The following PHIP variants were observed in gnomAD, a reference collection of about 807,000 sequenced individuals.
The protein encoded by PHIP is PH-interacting protein.
PHIP carries 54 observed loss-of-function variants against 236.8 expected under a neutral mutation model. That is an observed-to-expected ratio of 0.23 (90% CI 0.18 to 0.29). The LOEUF (loss-of-function observed/expected upper bound fraction) is 0.29. Ranked by LOEUF, PHIP falls within the 10% of genes least tolerant of loss-of-function variation. The probability of loss-of-function intolerance (pLI) is 1.00; values close to 1 mark genes in which losing one functional copy is unlikely to be tolerated. For missense variants in PHIP, 1,370 were observed against 2,190.8 expected (o/e 0.63, Z 7.48); for synonymous variants, 756 against 718.9 (o/e 1.05, Z -0.83).
chr6:79,036,921 CAAAA>C (rs34875528), intron 7 of PHIP, among the ~76,000 whole-genome samples: 403 of 38,892 alleles, frequency 0.01, no homozygotes, highest in African/African-American at 0.039. Context: ...GACTCCGTCT[CAAAA>C]AAAAAAAAAA....
In PHIP at chr6:78,938,864, T is replaced by A. The variant is rs1773367713; in HGVS notation, c.*1829A>T. The A allele has an allele frequency of 6.6e-6, 1 of 151,778 alleles. No individual in the cohort carries two copies. Among genetic ancestry groups the A allele is most frequent in the Non-Finnish European group, 1.5e-5 (1 of 67,614 alleles). The allele number at this position is 151,778 out of a possible 1,614,324, so 9.4% of individuals were successfully genotyped here. Reference sequence around the variant, plus strand: ...AAGCCCAAATGTATCACTTTTTCATTCTTCACGACAGTTAAATGACAGCTA... The same window carrying A: ...AAGCCCAAATGTATCACTTTTTCATACTTCACGACAGTTAAATGACAGCTA... On this transcript the variant is annotated 3_prime_UTR_variant, in exon 40 of 40. Coordinates refer to ENST00000275034, the MANE Select transcript of PHIP (RefSeq NM_017934.7).
At chr6:78,992,512 G>A (rs1385808813) in intron 19 of PHIP, among the ~76,000 whole-genome samples, 2 of 151,290 alleles carry the variant, frequency 1.3e-5, no homozygotes, top group African/African-American at 4.9e-5. Flanking sequence ...GCAAGTTTGT[G>A]GAACCCTGCA....
At chr6:79,075,714 C>T (rs1308843210) in intron 4 of PHIP, among the ~76,000 whole-genome samples, 1 of 151,692 alleles carries the variant, frequency 6.6e-6, no homozygotes, top group Non-Finnish European at 1.5e-5. Flanking sequence ...CATTAAGCTG[C>T]TTCATTTAAA....
chr6:78,957,404 G>A (rs1014546500), intron 32 of PHIP: 1 of 151,786 alleles, frequency 6.6e-6, no homozygotes, highest in Non-Finnish European at 1.5e-5. Context: ...CAAACCATTG[G>A]AAAGCAATAG....
chr6:79,005,849 A>T (rs1170766745), intron 15 of PHIP, among the ~76,000 whole-genome samples: 1 of 151,978 alleles, frequency 6.6e-6, no homozygotes, highest in Non-Finnish European at 1.5e-5. Flanking sequence ...GGACTGATCA[A>T]CCCTTGACCC....
At chr6:79,063,178 G>T (rs1341765330) in intron 4 of PHIP, among the ~76,000 whole-genome samples, 1 of 152,082 alleles carries the variant, frequency 6.6e-6, no homozygotes, top group Non-Finnish European at 1.5e-5. Context: ...TCTGTGTCCT[G>T]CATAAGGAGA....
chr6:78,960,826 CA>C (rs1766724641), intron 31 of PHIP, among the ~76,000 whole-genome samples: 1 of 151,652 alleles, frequency 6.6e-6, no homozygotes, highest in South Asian at 2.1e-4. Context: ...AAATTTAAGT[CA>C]TAAAAAGAAC....
chr6:79,015,932 G>A, intron 13 of PHIP, 149 bp from the exon 14 acceptor site: 2 of 581,578 alleles, frequency 3.4e-6, no homozygotes, highest in Admixed American at 3.4e-5. Flanking sequence ...ATGGAATGAT[G>A]GTAAAAATCC....
At chr6:79,012,944 C>T (rs1332076101) in intron 15 of PHIP, among the ~76,000 whole-genome samples, 1 of 151,626 alleles carries the variant, frequency 6.6e-6, no homozygotes, top group Non-Finnish European at 1.5e-5. Context: ...ATTATGAAAA[C>T]ATTTCTTCAT....
intron 27 of PHIP, among the ~76,000 whole-genome samples, 197 bp from the exon 28 acceptor site, chr6:78,966,253 T>A (rs1767121409): frequency 6.6e-6 from 1 of 152,234 alleles, no homozygotes; most frequent in Non-Finnish European, 1.5e-5. Context: ...ATACTTGAAG[T>A]GTGACTTAAC....
At chr6:78,985,840 A>G (rs1768835052) in intron 21 of PHIP, among the ~76,000 whole-genome samples, 2 of 152,132 alleles carry the variant, frequency 1.3e-5, no homozygotes, top group Admixed American at 1.3e-4. Flanking sequence ...AATAATAATA[A>G]AATAATAAAA....
intron 15 of PHIP, among the ~76,000 whole-genome samples, chr6:79,014,525 T>C: frequency 6.6e-6 from 1 of 151,744 alleles, no homozygotes. Flanking sequence ...GCTCGGTAAG[T>C]TGTATGTGAT....
chr6:79,045,545 T>A (rs1356857047), intron 6 of PHIP, among the ~76,000 whole-genome samples: 1 of 152,052 alleles, frequency 6.6e-6, no homozygotes, highest in Non-Finnish European at 1.5e-5. Flanking sequence ...TATAAGTAAA[T>A]CTTCCTTAAT....
chr6:78,965,823 T>A, intron 28 of PHIP, 59 bp from the exon 29 acceptor site: 2 of 1,183,836 alleles, frequency 1.7e-6, no homozygotes, highest in South Asian at 2.7e-5. Flanking sequence ...ACAATTTTAA[T>A]AAAATCAATT....
intron 7 of PHIP, among the ~76,000 whole-genome samples, chr6:79,027,395 G>A (rs1378225003): frequency 6.6e-6 from 1 of 152,128 alleles, no homozygotes; most frequent in East Asian, 1.9e-4. Flanking sequence ...CCATATTGTT[G>A]TCTAGTATTC....
intron 15 of PHIP, among the ~76,000 whole-genome samples, chr6:79,014,570 T>C (rs1392876796): frequency 6.6e-6 from 1 of 151,680 alleles, no homozygotes; most frequent in Non-Finnish European, 1.5e-5. Context: ...ACTTGGCCAA[T>C]TATGTTAACA....
intron 6 of PHIP, among the ~76,000 whole-genome samples, chr6:79,052,766 A>G (rs1772861193): frequency 6.6e-6 from 1 of 152,204 alleles, no homozygotes; most frequent in Admixed American, 6.5e-5. Flanking sequence ...AAACTTGAAA[A>G]GAACACACCA....
chr6:79,001,981 T>C lies in PHIP; in HGVS notation c.1797A>G (p.Pro599=). The C allele has an allele frequency of 6.2e-7, 1 of 1,613,332 alleles. No individual in the cohort carries two copies. Among genetic ancestry groups the C allele is most frequent in the Non-Finnish European group, 8.5e-7 (1 of 1,179,498 alleles). ...CAGGAACTAATCTTTGATATCTTGA[T>C]GGATGAGGGTTACCATCAACATCAA... ...FLVDVDGNPH[P]SRYQRLVPGR... Residue 599 remains proline, a synonymous_variant, in exon 17 of 40, where the codon CCA becomes CCG. Coordinates refer to ENST00000275034, the MANE Select transcript of PHIP (RefSeq NM_017934.7).
rs1188626754 is a variant in PHIP at position 79,015,520 on chromosome 6, CAGCA to C, written c.1389+106_1389+109del. 9.7e-6 allele frequency: 8 copies of C among 825,826 alleles called. No homozygotes were observed. The East Asian group carries it at 2.0e-4, about 21-fold the overall frequency. 51.2% of individuals were successfully genotyped at this position (825,826 alleles called of 1,614,324 possible). The stretch of plus-strand genomic sequence containing the variant: ...CCAATCACTCACAAAGCCGTTACCC[CAGCA>C]AGCAAGAGTTTTTAGCTAACATAAA... On this transcript the variant is annotated intron_variant, in intron 14 of 39. Transcript: ENST00000275034.
Sources: gnomAD v4.1 joint callset for allele counts (sites outside exome capture counted in the v4.1 genomes callset) on GRCh38, gnomAD v4.1.1 for gene constraint, MANE v1.5 for transcripts, NCBI Gene and HGNC (gene_info 2026-07-23, HGNC 2026-07-21) for gene names.